The following DUOX2 variants were observed in gnomAD, a reference collection of about 807,000 sequenced individuals.
The protein encoded by DUOX2 is dual oxidase 2, also known as NADH/NADPH thyroid oxidase p138-tox.
A neutral mutation model predicts 183.3 loss-of-function variants in DUOX2; 185 were observed. The ratio of observed to expected loss-of-function variants is 1.01; its 90% CI spans 0.90 to 1.14. The LOEUF (loss-of-function observed/expected upper bound fraction) is 1.14, where lower values mean the gene tolerates loss of function less well. Ranked by LOEUF, DUOX2 falls within the 50% of genes most tolerant of loss-of-function variation. The probability of loss-of-function intolerance (pLI) is 0.00; values close to 1 mark genes in which losing one functional copy is unlikely to be tolerated. For synonymous variants in DUOX2, 788 were observed against 812.4 expected (o/e 0.97, Z 0.51); for missense variants, 1,999 against 2,022.9 (o/e 0.99, Z 0.23).
chr15:45,113,883 T>TC (rs997502541), intron 1 of DUOX2, 90 bp downstream of exon 1: 1 of 196,104 alleles, frequency 5.1e-6, no homozygotes, highest in Non-Finnish European at 1.1e-5. Flanking sequence ...CCACAATGAA[T>TC]CCCCCCTTCC....
Position 45,111,795 on chromosome 15 carries a change from T to G in DUOX2, c.486A>C (p.Gly162=). Residue 162 remains glycine, a synonymous_variant, in exon 5 of 34, where the codon GGA becomes GGC. Coordinates refer to ENST00000389039, the MANE Select transcript of DUOX2 (RefSeq NM_001363711.2). ...GGTCCCGGGGGTTGCTGGGACTCCGTCCGGTCTCGGGGTCCCAGCGGCTCC... is the reference window on the plus strand; with the variant it reads ...GGTCCCGGGGGTTGCTGGGACTCCGGCCGGTCTCGGGGTCCCAGCGGCTCC... The part of the protein sequence containing the change: ...FQRSRWDPET[G]RSPSNPRDLA... 6.2e-7 allele frequency: 1 copy of G among 1,610,828 alleles called. No homozygotes were observed. Among genetic ancestry groups the G allele is most frequent in the Non-Finnish European group, 8.5e-7 (1 of 1,178,898 alleles).
At position 45,106,832 on chromosome 15, in the gene DUOX2, C is replaced by T. The variant is rs540980691; in HGVS notation, c.1831G>A (p.Val611Met). The T allele has an allele frequency of 1.3e-6, 2 of 1,596,680 alleles. No homozygotes were observed. The highest frequency in any genetic ancestry group is 2.3e-5 in the East Asian group (1 of 44,406). Residue 611 changes from valine to methionine, a missense_variant and splice_region_variant, in exon 15 of 34, where the codon GTG (valine) becomes ATG (methionine). Coordinates refer to ENST00000389039, the MANE Select transcript of DUOX2 (RefSeq NM_001363711.2). ...TIIALCCLPL[V>M]SLLLSGVVAY... ...GCAGAGAGGCTGCCTAAGAGCTCAC[C>T]TAAGGGAAGGCAGCAGAGAGCAATG...
chr15:45,097,094 C>T, intron 29 of DUOX2, 144 bp downstream of exon 29: 4 of 1,236,884 alleles, frequency 3.2e-6, no homozygotes, highest in Admixed American at 3.7e-5. Context: ...CTTCAGGAAC[C>T]CCCGAGAGTG....
Position 45,099,476 on chromosome 15 carries a change from T to C in DUOX2, c.3422A>G (p.His1141Arg). The C allele has an allele frequency of 6.2e-7, 1 of 1,613,816 alleles. No individual in the cohort carries two copies. Residue 1141 changes from histidine (H) to arginine (R), a missense_variant, in exon 26 of 34, where the codon CAC becomes CGC. His to Arg is a conservative substitution (Grantham distance 29). Coordinates refer to ENST00000389039, the MANE Select transcript of DUOX2 (RefSeq NM_001363711.2). ...GACATTGACTGCGTGGCCAGCACTGTGCAAAACTGGAAGAGACAGACCCTG... is the reference window on the plus strand; with the variant it reads ...GACATTGACTGCGTGGCCAGCACTGCGCAAAACTGGAAGAGACAGACCCTG... ...AMAAVVLAIL[H>R]SAGHAVNVYI...
intron 21 of DUOX2, 101 bp downstream of exon 21, chr15:45,101,692 A>G (rs1894084314): frequency 6.0e-6 from 9 of 1,498,810 alleles, no homozygotes; most frequent in Non-Finnish European, 8.3e-6. Flanking sequence ...CTAGGTACCA[A>G]GGACTCAGAA....
rs188619129 is a variant in DUOX2 at position 45,109,433 on chromosome 15, G to A, written c.1234+91C>T. ...GTGTTTGTATCTGTGTTCCTGCATC[G>A]TGAGCGCCCTAGGTCTGCTATTGAT... On this transcript the variant is annotated intron_variant, in intron 11 of 33. Transcript: ENST00000389039. 2.2e-5 allele frequency: 24 copies of A among 1,075,556 alleles called. No homozygotes were observed. In the East Asian group the frequency reaches 2.8e-4, roughly 13 times the overall value. The allele number at this position is 1,075,556 out of a possible 1,614,324, so 66.6% of individuals were successfully genotyped here.
At position 45,111,887 on chromosome 15, in the gene DUOX2, G is replaced by A. The variant is rs748489574; in HGVS notation, c.394C>T (p.Arg132Cys). Reference protein sequence around the residue: ...PGCPAEFLNIRIPPGDPVFDP... With the variant: ...PGCPAEFLNICIPPGDPVFDP... ...AACACGGGGTCTCCAGGTGGGATGC[G>A]GATGTTGAGGAACTCGGCGGGGCAA... Residue 132 changes from arginine (R) to cysteine (C), a missense_variant, in exon 5 of 34, where the codon CGC becomes TGC. Transcript: ENST00000389039. 1.9e-6 allele frequency: 3 copies of A among 1,613,788 alleles called. No individual in the cohort carries two copies. The highest frequency in any genetic ancestry group is 2.5e-6 in the Non-Finnish European group (3 of 1,180,026).
chr15:45,111,667 C>A lies in DUOX2; in HGVS notation c.514-82G>T, dbSNP rs568375100. 8 of 1,445,962 alleles carry A rather than the reference C, an allele frequency of 5.5e-6. No individual in the cohort carries two copies. The South Asian group carries it at 1.0e-4, about 19-fold the overall frequency. 89.6% of individuals were successfully genotyped at this position (1,445,962 alleles called of 1,614,324 possible). ...GCCGGGGCCCGGCGGGTGTCCGCGG[C>A]TGGGGAGTGGGCGCCTCTCCCCTCC... On this transcript the variant is annotated intron_variant, in intron 5 of 33. Transcript: ENST00000389039.
Position 45,098,056 on chromosome 15 carries a change from G to C in DUOX2, c.3518C>G (p.Ser1173Cys). The change falls in exon 27 of 34, where the codon TCC (serine) becomes TGC (cysteine). Residue 1173 changes from serine (S) to cysteine (C), a missense_variant and splice_region_variant. Physicochemically the swap from Ser to Cys is moderately radical, Grantham distance 112. This residue lies in a region of DUOX2 where 1,628 missense variants were observed against 1,608.6 expected (regional missense o/e 1.01). Transcript: ENST00000389039. ...CCAATAGAACTTCTGGGGAAGCTTG[G>C]ACCTGGGGGGCAAAGGCACCTTGAG... is the stretch of plus-strand genomic sequence containing the variant. ...IFPNVFVNDGSKLPQKFYWWF... is the reference protein window; with the variant it reads ...IFPNVFVNDGCKLPQKFYWWF... 1 of 1,614,094 alleles carries C rather than the reference G, an allele frequency of 6.2e-7. No homozygotes were observed. Among genetic ancestry groups the C allele is most frequent in the Non-Finnish European group, 8.5e-7 (1 of 1,179,986 alleles).
intron 3 of DUOX2, 102 bp downstream of exon 3, chr15:45,112,885 G>A: frequency 6.5e-7 from 1 of 1,544,260 alleles, no homozygotes; most frequent in Non-Finnish European, 8.9e-7. Flanking sequence ...AGGCAGCGGA[G>A]CTGCTGGGCG....
chr15:45,110,928 C>A (rs1054786482), intron 7 of DUOX2, among the ~76,000 whole-genome samples, 183 bp downstream of exon 7: 1 of 150,462 alleles, frequency 6.6e-6, no homozygotes, highest in Non-Finnish European at 1.5e-5. Context: ...CATCACCAGC[C>A]AGATTTCTCC....
chr15:45,112,751 C>T, intron 3 of DUOX2, 33 bp from the exon 4 acceptor site: 2 of 1,608,534 alleles, frequency 1.2e-6, no homozygotes, highest in Non-Finnish European at 1.7e-6. Flanking sequence ...TCTGTCTAAG[C>T]ACTCCATCCC....
At chr15:45,100,260 G>T (rs774929663) in intron 23 of DUOX2, 32 bp from the exon 24 acceptor site, 1 of 1,603,460 alleles carries the variant, frequency 6.2e-7, no homozygotes, top group Non-Finnish European at 8.5e-7. Flanking sequence ...CAGCAGTGTG[G>T]TAAGGGCCCT....
chr15:45,102,584 T>C (rs557218014), intron 20 of DUOX2, among the ~76,000 whole-genome samples: 30 of 151,374 alleles, frequency 2.0e-4, no homozygotes, highest in Non-Finnish European at 3.1e-4. Flanking sequence ...CCGGCAGCAA[T>C]GCTGTGCCAT....
At chr15:45,107,865 A>G (rs910802222) in intron 13 of DUOX2, among the ~76,000 whole-genome samples, 182 bp downstream of exon 13, 16 of 78,792 alleles carry the variant, frequency 2.0e-4, no homozygotes, top group African/African-American at 8.0e-4. Context: ...AAAAAAAAAA[A>G]AAAAAAAGAA....
chr15:45,099,544 G>C (rs973093293), intron 25 of DUOX2, 62 bp from the exon 26 acceptor site: 1 of 1,585,042 alleles, frequency 6.3e-7, no homozygotes, highest in East Asian at 2.2e-5. Flanking sequence ...CGATCCTGAG[G>C]GAGAGAGGAG....
chr15:45,101,321 TG>T (rs1894076477), intron 21 of DUOX2, 47 bp from the exon 22 acceptor site: 1 of 1,514,410 alleles, frequency 6.6e-7, no homozygotes, highest in Non-Finnish European at 9.1e-7. Flanking sequence ...ACAAGGGCAG[TG>T]GGGTAGGATG....
At chr15:45,112,227 T>A (rs1215046919) in intron 4 of DUOX2, among the ~76,000 whole-genome samples, 1 of 152,128 alleles carries the variant, frequency 6.6e-6, no homozygotes. Flanking sequence ...TCCTCCTCCC[T>A]CTGGGCTAGG....
Position 45,094,074 on chromosome 15 carries a change from T to G in DUOX2, c.*76A>C. The G allele has an allele frequency of 2.5e-6, 4 of 1,608,004 alleles. No homozygotes were observed. Among genetic ancestry groups the G allele is most frequent in the Non-Finnish European group, 3.4e-6 (4 of 1,175,014 alleles). On this transcript the variant is annotated 3_prime_UTR_variant, in exon 34 of 34. Transcript: ENST00000389039. ...CTAAGGTGGATTCTGATGGAGAGAT[T>G]GCCAGCAGGGCTGGGCAACTTAGGT...
Sources: allele counts gnomAD v4.1 joint callset (sites outside exome capture counted in the v4.1 genomes callset), GRCh38; gene constraint gnomAD v4.1.1; regional missense constraint gnomAD v4.1.1; transcripts MANE v1.5; gene names NCBI Gene and HGNC (gene_info 2026-07-23, HGNC 2026-07-21).